The following LYZL4 variants were observed in gnomAD, a reference collection of about 807,000 sequenced individuals.
The protein encoded by LYZL4 is lysozyme like 4.
LYZL4 carries 13 observed loss-of-function variants against 17.6 expected under a neutral mutation model. The ratio of observed to expected loss-of-function variants is 0.74; its 90% CI spans 0.48 to 1.18. The LOEUF (loss-of-function observed/expected upper bound fraction) is 1.18, where lower values mean the gene tolerates loss of function less well. Ranked by LOEUF, LYZL4 falls within the 50% of genes most tolerant of loss-of-function variation. The pLI is 0.00. For missense variants in LYZL4, 174 were observed against 188.2 expected, an observed-to-expected ratio of 0.92 and a Z score of 0.44; for synonymous variants, 64 against 67.7, an observed-to-expected ratio of 0.95 and a Z score of 0.27.
the LYZL4 span, among the ~76,000 whole-genome samples, chr3:42,391,028 C>T: frequency 6.6e-6 from 1 of 152,248 alleles, no homozygotes. Context: ...TTCTCCGCTA[C>T]CGAGATGTTT....
chr3:42,406,327 G>A (rs1439777940), intron 3 of LYZL4, among the ~76,000 whole-genome samples: 2 of 151,666 alleles, frequency 1.3e-5, no homozygotes, highest in East Asian at 1.9e-4. Context: ...AGTGGCGGGC[G>A]CCTGTAGTCC....
Position 42,397,217 on chromosome 3 carries a change from T to G in LYZL4, c.*48A>C, listed in dbSNP as rs1339850650. ...TGAAGCAGCAAGCAGAAAAGCACCT[T>G]CATTCACAAGATGCAACTGGTGAGT... On this transcript the variant is annotated 3_prime_UTR_variant, in exon 5 of 5. Coordinates refer to ENST00000287748, the MANE Select transcript of LYZL4 (RefSeq NM_144634.4). The G allele has an allele frequency of 9.9e-6, 13 of 1,317,776 alleles. No individual in the cohort carries two copies. In the East Asian group the frequency reaches 3.1e-4, roughly 31 times the overall value. The allele number at this position is 1,317,776 out of a possible 1,614,324, so 81.6% of individuals were successfully genotyped here. A position where few individuals can be genotyped will look rare whatever the true frequency, so the allele number is the denominator to read the frequency against.
chr3:42,388,387 T>G, the LYZL4 span, among the ~76,000 whole-genome samples: 1 of 152,200 alleles, frequency 6.6e-6, no homozygotes, highest in Admixed American at 6.5e-5. Context: ...ACAAGCAACT[T>G]GGTGGATGCT....
downstream of LYZL4, among the ~76,000 whole-genome samples, chr3:42,395,290 T>C (rs1698535567): frequency 6.6e-6 from 1 of 152,238 alleles, no homozygotes; most frequent in Non-Finnish European, 1.5e-5. Flanking sequence ...ACCTAATTTC[T>C]TCAATTTTTT....
At chr3:42,409,733 G>T (rs1381957317) in intron 1 of LYZL4, among the ~76,000 whole-genome samples, 1 of 152,186 alleles carries the variant, frequency 6.6e-6, no homozygotes, top group Non-Finnish European at 1.5e-5. Flanking sequence ...CACAGCAGTT[G>T]GAAAGGCATT....
At chr3:42,400,174 A>G (rs181480895) in intron 4 of LYZL4, among the ~76,000 whole-genome samples, 21 of 152,292 alleles carry the variant, frequency 1.4e-4, no homozygotes, top group African/African-American at 4.8e-4. Flanking sequence ...CGCTTCCACT[A>G]GTGAAATTTG....
chr3:42,397,172 A>C lies in LYZL4; in HGVS notation c.*93T>G. On this transcript the variant is annotated 3_prime_UTR_variant, in exon 5 of 5. Coordinates refer to ENST00000287748, the MANE Select transcript of LYZL4 (RefSeq NM_144634.4). ...TCCATCTGGAACTCTTAAAGTGGTG[A>C]GATCATCAAAAGGATTGACTGAAGC... 1 of 870,876 alleles carries C rather than the reference A, an allele frequency of 1.1e-6. No homozygotes were observed. Among genetic ancestry groups the C allele is most frequent in the South Asian group, 1.7e-5 (1 of 59,382 alleles). 53.9% of individuals were successfully genotyped at this position (870,876 alleles called of 1,614,324 possible).
chr3:42,374,316 T>A, the LYZL4 span, among the ~76,000 whole-genome samples: 18 of 152,370 alleles, frequency 1.2e-4, no homozygotes, highest in Non-Finnish European at 2.5e-4. Context: ...TTCCAAAACC[T>A]GTACTTTAAA....
Position 42,404,034 on chromosome 3 carries a change from T to C in LYZL4, c.371+12A>G, listed in dbSNP as rs1335260329. On this transcript the variant is annotated intron_variant, in intron 4 of 4. Transcript: ENST00000287748. ...GTCGTTAATACAGGCTACATAAAAA[T>C]GTAAGACTTACCATGCTCCCATCCC... The C allele has an allele frequency of 3.2e-6, 5 of 1,578,338 alleles. No individual in the cohort carries two copies. The highest frequency in any genetic ancestry group is 1.1e-5 in the South Asian group (1 of 89,958).
the LYZL4 span, among the ~76,000 whole-genome samples, chr3:42,363,391 T>G: frequency 4.6e-5 from 7 of 152,296 alleles, no homozygotes; most frequent in South Asian, 8.3e-4. Flanking sequence ...AGGAGATGCA[T>G]GCTGAAATAA....
chr3:42,365,246 G>A, the LYZL4 span, among the ~76,000 whole-genome samples: 1 of 152,126 alleles, frequency 6.6e-6, no homozygotes, highest in Non-Finnish European at 1.5e-5. Context: ...GAACCAAGTG[G>A]CTTACAAAAC....
chr3:42,407,184 C>G lies in LYZL4; in HGVS notation c.68G>C (p.Gly23Ala), dbSNP rs1476589044. 1.2e-6 allele frequency: 2 copies of G among 1,614,006 alleles called. No homozygotes were observed. Among genetic ancestry groups the G allele is most frequent in the Non-Finnish European group, 1.7e-6 (2 of 1,180,040 alleles). Residue 23 changes from glycine to alanine, a missense_variant, in exon 2 of 5, where the codon GGG becomes GCG. By Grantham distance (60) the Gly-to-Ala change is moderately conservative. Transcript: ENST00000287748. ...GAGTTTCTTAGCCACTGTGCAACGC[C>G]CCAAGATGTAAGCACCACTTGGAAC... ...LVVPSGAYILGRCTVAKKLHD... is the reference protein window; with the variant it reads ...LVVPSGAYILARCTVAKKLHD...
the LYZL4 span, among the ~76,000 whole-genome samples, chr3:42,369,940 G>A: frequency 6.6e-6 from 1 of 152,248 alleles, no homozygotes; most frequent in South Asian, 2.1e-4. Context: ...CCAGCTACTC[G>A]AGAGATAGAG....
At chr3:42,374,849 G>T in the LYZL4 span, among the ~76,000 whole-genome samples, 1 of 151,972 alleles carries the variant, frequency 6.6e-6, no homozygotes, top group Non-Finnish European at 1.5e-5. Flanking sequence ...TTGAGACAGG[G>T]TCTCACTCTG....
chr3:42,383,973 T>G, the LYZL4 span, among the ~76,000 whole-genome samples: 1 of 152,152 alleles, frequency 6.6e-6, no homozygotes, highest in Non-Finnish European at 1.5e-5. Flanking sequence ...AAGATGATTC[T>G]CTAGAAGTGA....
the LYZL4 span, among the ~76,000 whole-genome samples, chr3:42,372,978 G>A: frequency 6.6e-6 from 1 of 152,060 alleles, no homozygotes; most frequent in Non-Finnish European, 1.5e-5. Flanking sequence ...AGGCTGAGGA[G>A]GGCAGATCCC....
At chr3:42,363,425 C>T in the LYZL4 span, among the ~76,000 whole-genome samples, 1 of 152,090 alleles carries the variant, frequency 6.6e-6, no homozygotes, top group African/African-American at 2.4e-5. Flanking sequence ...ATCGTGATAG[C>T]TGCAATCTAT....
At chr3:42,389,186 C>T in the LYZL4 span, among the ~76,000 whole-genome samples, 1 of 152,144 alleles carries the variant, frequency 6.6e-6, no homozygotes, top group Non-Finnish European at 1.5e-5. Context: ...GGATTCACCA[C>T]AGATATATAT....
the LYZL4 span, among the ~76,000 whole-genome samples, chr3:42,381,956 G>A: frequency 6.6e-6 from 1 of 152,134 alleles, no homozygotes; most frequent in Non-Finnish European, 1.5e-5. Context: ...TTTCTGTGAG[G>A]GGGAAAAACA....
Sources: allele counts gnomAD v4.1 joint callset (sites outside exome capture counted in the v4.1 genomes callset), GRCh38; gene constraint gnomAD v4.1.1; transcripts MANE v1.5; gene names NCBI Gene and HGNC (gene_info 2026-07-23, HGNC 2026-07-21).